Variants in LONRF1 observed in about 807,000 individuals in gnomAD.
LONRF1 encodes the protein LON peptidase N-terminal domain and RING finger protein 1.
LONRF1 carries 37 observed loss-of-function variants against 85.8 expected under a neutral mutation model. The ratio of observed to expected loss-of-function variants is 0.43; its 90% confidence interval spans 0.33 to 0.57. The LOEUF is 0.57. Among genes scored for constraint, LONRF1 ranks in the 20% least tolerant of loss-of-function variants. LONRF1 has a pLI of 0.04. For missense variants in LONRF1, 1,036 were observed against 978.0 expected (o/e 1.06, Z -0.79); for synonymous variants, 517 against 390.1 (o/e 1.33, Z -3.83).
At chr8:12,723,972 C>T (rs976408423) in intron 11 of LONRF1, among the ~76,000 whole-genome samples, 3 of 152,148 alleles carry the variant, frequency 2.0e-5, no homozygotes, top group African/African-American at 4.8e-5. Context: ...ACTTGTAAGC[C>T]ACCTTCACTG....
At chr8:12,740,062 G>A (rs762232580) in intron 3 of LONRF1, among the ~76,000 whole-genome samples, 1 of 152,090 alleles carries the variant, frequency 6.6e-6, no homozygotes, top group Non-Finnish European at 1.5e-5. Context: ...TGTAGTTGGT[G>A]GGCCCAGGAC....
At chr8:12,738,213 T>G (rs1798796500) in intron 3 of LONRF1, 69 bp from the exon 4 acceptor site, 1 of 1,063,206 alleles carries the variant, frequency 9.4e-7, no homozygotes, top group Middle Eastern at 3.0e-4. Flanking sequence ...TGTATAAATT[T>G]ACCTAATAAA....
intron 10 of LONRF1, among the ~76,000 whole-genome samples, chr8:12,727,000 A>T (rs1270958732): frequency 6.6e-6 from 1 of 152,080 alleles, no homozygotes; most frequent in Non-Finnish European, 1.5e-5. Flanking sequence ...ATAAACTTTT[A>T]AAAAAGGTAG....
Position 12,743,227 on chromosome 8 carries a change from T to G in LONRF1, c.777A>C (p.Gln259His), listed in dbSNP as rs541526594. 6.2e-7 allele frequency: 1 copy of G among 1,613,384 alleles called. No homozygotes were observed. Among genetic ancestry groups the G allele is most frequent in the Non-Finnish European group, 8.5e-7 (1 of 1,179,542 alleles). Residue 259 changes from glutamine to histidine, a missense_variant, in exon 2 of 12, where the codon CAA becomes CAC. Coordinates refer to ENST00000398246, the MANE Select transcript of LONRF1 (RefSeq NM_152271.5). ...IYRAESYAGL[Q>H]EFKAAIEDLN... ...AATCTTCTATGGCTGCTTTAAACTC[T>G]TGGAGACCAGCATATGATTCCGCTC...
intron 1 of LONRF1, among the ~76,000 whole-genome samples, chr8:12,749,316 G>T (rs951369572): frequency 2.0e-5 from 3 of 152,050 alleles, no homozygotes; most frequent in Admixed American, 1.3e-4. Flanking sequence ...GCACAAAGGT[G>T]GGTCAAGGGG....
In LONRF1 at chr8:12,731,737, G is replaced by A. The variant is rs1198510985; in HGVS notation, c.1687C>T (p.His563Tyr). ...IYDEETAELS[H>Y]LTKNVPIFVC... Reference sequence around the variant, plus strand: ...TTTTTTTTATGAGAAGAAACTTACTGTGAGAGTTCAGCAGTTTCTTCATCA... The same window carrying A: ...TTTTTTTTATGAGAAGAAACTTACTATGAGAGTTCAGCAGTTTCTTCATCA... The change falls in exon 8 of 12, where the codon CAC becomes TAC. Residue 563 changes from histidine to tyrosine, a missense_variant and splice_region_variant. His to Tyr is a moderately conservative substitution (Grantham distance 83). Coordinates refer to ENST00000398246, the MANE Select transcript of LONRF1 (RefSeq NM_152271.5). 6.2e-7 allele frequency: 1 copy of A among 1,609,846 alleles called. No homozygotes were observed.
In LONRF1 at chr8:12,723,054, A is replaced by C. The variant is rs1805977304; in HGVS notation, c.*42T>G. 6.6e-7 allele frequency: 1 copy of C among 1,511,684 alleles called. No individual in the cohort carries two copies. The highest frequency in any genetic ancestry group is 1.4e-5 in the African/African-American group (1 of 72,152). 93.6% of individuals were successfully genotyped at this position (1,511,684 alleles called of 1,614,324 possible). A position where few individuals can be genotyped will look rare whatever the true frequency, so the allele number is the denominator to read the frequency against. On this transcript the variant is annotated 3_prime_UTR_variant, in exon 12 of 12. Coordinates refer to ENST00000398246, the MANE Select transcript of LONRF1 (RefSeq NM_152271.5). ...CAGCAGACAATCTGGCCATCAATGCAGCCAGATTAGGGTCACTTTAAAGGG... is the reference window on the plus strand; with the variant it reads ...CAGCAGACAATCTGGCCATCAATGCCGCCAGATTAGGGTCACTTTAAAGGG...
At chr8:12,725,673 C>G in intron 11 of LONRF1, 54 bp downstream of exon 11, 1 of 1,556,144 alleles carries the variant, frequency 6.4e-7, no homozygotes, top group South Asian at 1.2e-5. Context: ...TAGAAGTGTG[C>G]AAATTTGGGT....
At chr8:12,723,586 T>C (rs1806017513) in intron 11 of LONRF1, among the ~76,000 whole-genome samples, 1 of 152,224 alleles carries the variant, frequency 6.6e-6, no homozygotes, top group Non-Finnish European at 1.5e-5. Flanking sequence ...AGATAATTCT[T>C]TGTTGCATGT....
In LONRF1 at chr8:12,755,115, C is replaced by G. The variant is rs971720253; in HGVS notation, c.306G>C (p.Gly102=). The change falls in exon 1 of 12, where the codon GGG becomes GGC. Residue 102 remains glycine (G), a synonymous_variant. Coordinates refer to ENST00000398246, the MANE Select transcript of LONRF1 (RefSeq NM_152271.5). ...CAACCGGGGCCGCGCTCCAGCCCAG[C>G]CCGTGGCGGAGCCGGTAGTTGAACA... The part of the protein sequence containing the change: ...CLVFNYRLRH[G]LGWSAAPVAG... 2 of 1,459,826 alleles carry G rather than the reference C, an allele frequency of 1.4e-6. No homozygotes were observed. The highest frequency in any genetic ancestry group is 1.8e-6 in the Non-Finnish European group (2 of 1,110,396). The allele number at this position is 1,459,826 out of a possible 1,614,324, so 90.4% of individuals were successfully genotyped here. A position where few individuals can be genotyped will look rare whatever the true frequency, so the allele number is the denominator to read the frequency against.
chr8:12,730,832 G>A (rs1369385033), intron 8 of LONRF1, among the ~76,000 whole-genome samples: 1 of 152,140 alleles, frequency 6.6e-6, no homozygotes, highest in Admixed American at 6.5e-5. Context: ...GGCACATGTT[G>A]ATAAAGGAGT....
In LONRF1 at chr8:12,722,776, A is replaced by ACACGCACG. The variant is rs1276970525; in HGVS notation, c.*312_*319dup. ...CACACTACCCAACCCCCACAAGCAC[A>ACACGCACG]CACGCACGCACACACACACACACAC... On this transcript the variant is annotated 3_prime_UTR_variant, in exon 12 of 12. Coordinates refer to ENST00000398246, the MANE Select transcript of LONRF1 (RefSeq NM_152271.5). The ACACGCACG allele has an allele frequency of 1.2e-5, 2 of 171,754 alleles. No homozygotes were observed. The highest frequency in any genetic ancestry group is 2.5e-5 in the Non-Finnish European group (2 of 80,584). The allele number at this position is 171,754 out of a possible 1,614,324, so 10.6% of individuals were successfully genotyped here.
intron 11 of LONRF1, 116 bp from the exon 12 acceptor site, chr8:12,723,370 C>A: frequency 1.2e-6 from 1 of 861,724 alleles, no homozygotes. Flanking sequence ...CAGGTGCTAT[C>A]TCCAATGTCC....
intron 3 of LONRF1, 52 bp downstream of exon 3, chr8:12,740,822 C>A: frequency 6.5e-7 from 1 of 1,545,058 alleles, no homozygotes; most frequent in Non-Finnish European, 8.7e-7. Context: ...TTTTTTAAAC[C>A]TGTCTGCCTC....
chr8:12,722,166 T>C lies in LONRF1; in HGVS notation c.*930A>G, dbSNP rs1323102539. On this transcript the variant is annotated 3_prime_UTR_variant, in exon 12 of 12. Transcript: ENST00000398246. ...AACAAACTTTAAAAGCTTAGTTCTA[T>C]ATTAAACTTCTTCTCTTTTCCCAGA... 3 of 152,550 alleles carry C rather than the reference T, an allele frequency of 2.0e-5. No individual in the cohort carries two copies. The highest frequency in any genetic ancestry group is 2.9e-5 in the Non-Finnish European group (2 of 68,026). 9.4% of individuals were successfully genotyped at this position (152,550 alleles called of 1,614,324 possible).
chr8:12,740,899 G>A lies in LONRF1; in HGVS notation c.938C>T (p.Ala313Val), dbSNP rs760381311. 2.5e-6 allele frequency: 4 copies of A among 1,613,108 alleles called. No individual in the cohort carries two copies. Among genetic ancestry groups the A allele is most frequent in the African/African-American group, 2.7e-5 (2 of 74,800 alleles). Reference protein sequence around the residue: ...LQCLALDEDFAPAKLQVQKIL... With the variant: ...LQCLALDEDFVPAKLQVQKIL... ...CTTTTGTACTTGCAGCTTTGCAGGTGCAAAATCTTCATCAAGGGCTAAGCA... is the reference window on the plus strand; with the variant it reads ...CTTTTGTACTTGCAGCTTTGCAGGTACAAAATCTTCATCAAGGGCTAAGCA... Residue 313 changes from alanine to valine, a missense_variant, in exon 3 of 12, where the codon GCA becomes GTA. Coordinates refer to ENST00000398246, the MANE Select transcript of LONRF1 (RefSeq NM_152271.5).
chr8:12,742,562 T>C (rs916275906), intron 2 of LONRF1, among the ~76,000 whole-genome samples: 4 of 152,216 alleles, frequency 2.6e-5, no homozygotes, highest in African/African-American at 9.6e-5. Context: ...TCTCATTCAA[T>C]GAAGTCCAGT....
intron 8 of LONRF1, among the ~76,000 whole-genome samples, chr8:12,731,340 C>T (rs184279473): frequency 8.9e-4 from 136 of 152,264 alleles, no homozygotes; most frequent in Non-Finnish European, 1.4e-3. Context: ...TCCGGGCCTC[C>T]ATGTGACAGA....
rs996558059 is a variant in LONRF1, at chr8:12,749,572, T to C, written c.721+5128A>G. On this transcript the variant is annotated intron_variant, in intron 1 of 11. Coordinates refer to ENST00000398246, the MANE Select transcript of LONRF1 (RefSeq NM_152271.5). ...TCTGAATAAACAAAAAGTTAATATATAAATAACTAGAAATCTAAGATAATT... is the reference window on the plus strand; with the variant it reads ...TCTGAATAAACAAAAAGTTAATATACAAATAACTAGAAATCTAAGATAATT... Among the ~76,000 whole-genome samples, 7 of 152,308 alleles carry C rather than the reference T, an allele frequency of 4.6e-5. No individual in the cohort carries two copies. The East Asian group carries it at 1.3e-3, about 29-fold the overall frequency.
Sources: allele counts gnomAD v4.1 joint callset (sites outside exome capture counted in the v4.1 genomes callset), GRCh38; gene constraint gnomAD v4.1.1; transcripts MANE v1.5; gene names NCBI Gene and HGNC (gene_info 2026-07-23, HGNC 2026-07-21).